Variants in MTPN observed in about 807,000 individuals in gnomAD.
MTPN encodes the protein myotrophin.
A neutral mutation model predicts 13.5 loss-of-function variants in MTPN; 2 were observed. The observed-to-expected ratio is 0.15, with a 90% CI of 0.06 to 0.47. MTPN has a LOEUF of 0.47. Ranked by LOEUF, MTPN falls within the 20% of genes least tolerant of loss-of-function variation. The probability of loss-of-function intolerance (pLI) is 0.97; values close to 1 mark genes in which losing one functional copy is unlikely to be tolerated. For synonymous variants in MTPN, 46 were observed against 51.7 expected (o/e 0.89, Z 0.48); for missense variants, 79 against 137.9 (o/e 0.57, Z 2.14).
intron 3 of MTPN, among the ~76,000 whole-genome samples, chr7:135,943,825 TTCTCCTC>T (rs1318025206): frequency 6.6e-6 from 1 of 152,230 alleles, no homozygotes; most frequent in Non-Finnish European, 1.5e-5. Context: ...CTTTTGGGCT[TTCTCCTC>T]TCAGGTATAG....
rs185242190 is a variant in MTPN, at chr7:135,944,391, T to C, written c.270+6208A>G. On this transcript the variant is annotated intron_variant, in intron 3 of 3. Coordinates refer to ENST00000393085, the MANE Select transcript of MTPN (RefSeq NM_145808.4). ...ATGTTAATATTAGAAATGTGCAACA[T>C]GAGGCCAGGCGTGGTGGCTCGCGCC... is the stretch of plus-strand genomic sequence containing the variant. 2.0e-5 allele frequency among the ~76,000 whole-genome samples: 3 copies of C among 152,208 alleles called. No homozygotes were observed. The East Asian group carries it at 5.8e-4, about 29-fold the overall frequency.
At chr7:135,938,489 G>C (rs2116351401) in intron 3 of MTPN, among the ~76,000 whole-genome samples, 1 of 152,330 alleles carries the variant, frequency 6.6e-6, no homozygotes, top group South Asian at 2.1e-4. Flanking sequence ...AACATTTTAT[G>C]ACAGACACTT....
intron 3 of MTPN, chr7:135,932,390 C>G (rs1436377226): frequency 2.6e-5 from 4 of 152,042 alleles, no homozygotes; most frequent in Non-Finnish European, 4.4e-5. Context: ...CTAGGCCAGT[C>G]ATCTTTTCAA....
intron 1 of MTPN, among the ~76,000 whole-genome samples, chr7:135,958,017 G>T (rs1020724108): frequency 1.3e-5 from 2 of 151,806 alleles, no homozygotes; most frequent in Non-Finnish European, 2.9e-5. Context: ...ATACTCCTTT[G>T]TAACAACCCT....
chr7:135,937,040 C>T (rs935212444), intron 3 of MTPN, among the ~76,000 whole-genome samples: 4 of 152,198 alleles, frequency 2.6e-5, no homozygotes, highest in African/African-American at 9.7e-5. Flanking sequence ...AAGAACATAT[C>T]TTTACCTGCT....
At chr7:135,974,094 T>C (rs1799737206) in intron 1 of MTPN, among the ~76,000 whole-genome samples, 1 of 152,160 alleles carries the variant, frequency 6.6e-6, no homozygotes, top group South Asian at 2.1e-4. Context: ...CAATTTTCAG[T>C]GGTTTGGGGA....
At chr7:135,972,221 G>GCA (rs1391817941) in intron 1 of MTPN, among the ~76,000 whole-genome samples, 1 of 96,224 alleles carries the variant, frequency 1.0e-5, no homozygotes, top group South Asian at 3.5e-4. Flanking sequence ...GCGCACACGC[G>GCA]CACGCGCGCG....
Position 135,946,225 on chromosome 7 carries a change from A to C in MTPN, c.270+4374T>G, listed in dbSNP as rs1382404842. Among the ~76,000 whole-genome samples, 3 of 152,222 alleles carry C rather than the reference A, an allele frequency of 2.0e-5. No individual in the cohort carries two copies. The East Asian group carries it at 5.8e-4, about 29-fold the overall frequency. ...AACCTTGCTATTATTCAAGTGTTTA[A>C]GATTTTAATCAGAAAGACCAGTTTA... is the stretch of plus-strand genomic sequence containing the variant. On this transcript the variant is annotated intron_variant, in intron 3 of 3. Coordinates refer to ENST00000393085, the MANE Select transcript of MTPN (RefSeq NM_145808.4).
intron 3 of MTPN, among the ~76,000 whole-genome samples, chr7:135,930,650 T>C (rs1357919464): frequency 6.6e-6 from 1 of 152,156 alleles, no homozygotes. Context: ...TTTGAGAGTG[T>C]GTATGTGCCC....
intron 3 of MTPN, among the ~76,000 whole-genome samples, chr7:135,946,557 ATGGC>A (rs1799291376): frequency 6.6e-6 from 1 of 152,196 alleles, no homozygotes; most frequent in Non-Finnish European, 1.5e-5. Flanking sequence ...TGTATTGTCT[ATGGC>A]AATGTTACAT....
At position 135,929,200 on chromosome 7, in the gene MTPN, T is replaced by TCCAAAA. The variant is rs1798975101; in HGVS notation, c.*725_*726insTTTTGG. 6.0e-6 allele frequency: 1 copy of TCCAAAA among 167,040 alleles called. No homozygotes were observed. The highest frequency in any genetic ancestry group is 1.5e-5 in the Non-Finnish European group (1 of 68,116). 10.3% of individuals were successfully genotyped at this position (167,040 alleles called of 1,614,324 possible). ...CTAGAGGAGAAAAAAATATGCATAC[T>TCCAAAA]GGAATGGTTTCTCCTTTAGACTTCC... On this transcript the variant is annotated 3_prime_UTR_variant, in exon 4 of 4. Transcript: ENST00000393085.
chr7:135,938,122 T>C (rs1799145877), intron 3 of MTPN, among the ~76,000 whole-genome samples: 1 of 152,208 alleles, frequency 6.6e-6, no homozygotes, highest in Non-Finnish European at 1.5e-5. Context: ...TGCTTTTTAA[T>C]TTATATTATT....
chr7:135,937,401 A>G (rs905027000), intron 3 of MTPN, among the ~76,000 whole-genome samples: 4 of 148,384 alleles, frequency 2.7e-5, no homozygotes, highest in Non-Finnish European at 5.9e-5. Flanking sequence ...ACACACACAC[A>G]AAACCTCTCT....
chr7:135,963,330 A>G (rs1799552861), intron 1 of MTPN, among the ~76,000 whole-genome samples: 1 of 151,942 alleles, frequency 6.6e-6, no homozygotes, highest in African/African-American at 2.4e-5. Flanking sequence ...CCAGGTTGAA[A>G]GTCCTTATTT....
chr7:135,965,162 A>T (rs1799586723), intron 1 of MTPN, among the ~76,000 whole-genome samples: 1 of 152,140 alleles, frequency 6.6e-6, no homozygotes, highest in Non-Finnish European at 1.5e-5. Context: ...ATCTATACAG[A>T]CAATAATACA....
At chr7:135,935,939 C>T (rs1324163783) in intron 3 of MTPN, among the ~76,000 whole-genome samples, 1 of 152,068 alleles carries the variant, frequency 6.6e-6, no homozygotes, top group African/African-American at 2.4e-5. Flanking sequence ...GTACCTGGAG[C>T]TGTAATGACA....
intron 1 of MTPN, among the ~76,000 whole-genome samples, chr7:135,972,987 G>T (rs1452883998): frequency 6.6e-6 from 1 of 151,602 alleles, no homozygotes; most frequent in East Asian, 2.0e-4. Context: ...GGAGCAGAGT[G>T]CTTAGAGAGA....
intron 3 of MTPN, among the ~76,000 whole-genome samples, chr7:135,939,121 T>A (rs913941918): frequency 6.6e-6 from 1 of 152,180 alleles, no homozygotes; most frequent in African/African-American, 2.4e-5. Context: ...GGAGGATCTG[T>A]TTACCTTGTT....
intron 3 of MTPN, among the ~76,000 whole-genome samples, chr7:135,942,392 A>C (rs989285277): frequency 2.0e-5 from 3 of 152,174 alleles, no homozygotes; most frequent in Non-Finnish European, 4.4e-5. Flanking sequence ...CATTTCAGCG[A>C]GTGGCTTATA....
Sources: gnomAD v4.1 joint callset for allele counts (sites outside exome capture counted in the v4.1 genomes callset) on GRCh38, gnomAD v4.1.1 for gene constraint, MANE v1.5 for transcripts, NCBI Gene and HGNC (gene_info 2026-07-23, HGNC 2026-07-21) for gene names.